TENM3: variants seen among roughly 807,000 people sequenced by gnomAD.
TENM3 encodes the protein teneurin-3.
TENM3 carries 63 observed loss-of-function variants against 255.1 expected under a neutral mutation model. That is an observed-to-expected ratio of 0.25 (90% CI 0.20 to 0.30). The LOEUF (loss-of-function observed/expected upper bound fraction) is 0.30, where lower values mean the gene tolerates loss of function less well. Among genes scored for constraint, TENM3 ranks in the 10% least tolerant of loss-of-function variants. TENM3 has a pLI of 1.00. For synonymous variants in TENM3, 1,306 were observed against 1,322.3 expected (o/e 0.99, Z 0.27); for missense variants, 2,929 against 3,461.1 (o/e 0.85, Z 3.86).
Position 182,799,491 on chromosome 4 carries a change from C to T in TENM3, c.7345-105C>T. ...TTCTGGTCAGGGAAGGACCCCGGGG[C>T]TTCCATGCATGCCCCGGCGCTGCCC... is the stretch of plus-strand genomic sequence containing the variant. On this transcript the variant is annotated intron_variant, in intron 27 of 27. Coordinates refer to ENST00000511685, the MANE Select transcript of TENM3 (RefSeq NM_001080477.4). The surrounding 1 kb of genome is among the most constrained non-coding windows in gnomAD (Gnocchi z 4.2). 1 of 1,421,668 alleles carries T rather than the reference C, an allele frequency of 7.0e-7. No individual in the cohort carries two copies. The highest frequency in any genetic ancestry group is 9.3e-7 in the Non-Finnish European group (1 of 1,074,924). 88.1% of individuals were successfully genotyped at this position (1,421,668 alleles called of 1,614,324 possible).
intron 3 of TENM3, among the ~76,000 whole-genome samples, chr4:182,544,416 T>C (rs781127352): frequency 1.4e-5 from 2 of 143,206 alleles, no homozygotes; most frequent in Non-Finnish European, 3.0e-5. Flanking sequence ...CTGCAACCTC[T>C]GCCTCCCGGG....
intron 3 of TENM3, among the ~76,000 whole-genome samples, chr4:182,599,434 G>A (rs1474928923): frequency 6.6e-6 from 1 of 152,102 alleles, no homozygotes; most frequent in Non-Finnish European, 1.5e-5. Context: ...ATCAGAAACT[G>A]CAAGGAAGTA....
chr4:182,249,911 C>G (rs1482633298), intron 1 of TENM3, among the ~76,000 whole-genome samples: 1 of 152,058 alleles, frequency 6.6e-6, no homozygotes, highest in East Asian at 1.9e-4. Flanking sequence ...TACAAGTATG[C>G]ACCACTATGC....
chr4:181,981,484 CAG>C, the TENM3 span, among the ~76,000 whole-genome samples: 2 of 152,208 alleles, frequency 1.3e-5, no homozygotes, highest in South Asian at 2.1e-4. Context: ...GAAACTAAAA[CAG>C]AGGTATTAAA....
intron 1 of TENM3, among the ~76,000 whole-genome samples, chr4:182,298,838 T>C (rs71636177): frequency 6.6e-6 from 1 of 151,364 alleles, no homozygotes; most frequent in Admixed American, 6.6e-5. Context: ...CCGGGCGTGA[T>C]GGCGCCCACC....
intron 3 of TENM3, among the ~76,000 whole-genome samples, chr4:182,480,255 A>AATT (rs1734065247): frequency 6.6e-6 from 1 of 152,110 alleles, no homozygotes; most frequent in Non-Finnish European, 1.5e-5. Context: ...CAATAATAAT[A>AATT]ATTTAACAAG....
At chr4:182,176,821 ATTTTTT>A (rs529637466) in intron 1 of TENM3, among the ~76,000 whole-genome samples, 4 of 113,356 alleles carry the variant, frequency 3.5e-5, no homozygotes, top group East Asian at 5.5e-4. Context: ...CATCCGGCTA[ATTTTTT>A]TTTTTTTTTT....
chr4:181,576,345 C>T, the TENM3 span, among the ~76,000 whole-genome samples: 1 of 152,132 alleles, frequency 6.6e-6, no homozygotes, highest in African/African-American at 2.4e-5. Context: ...TCCAGTCATC[C>T]ACTGATGAGC....
At chr4:182,317,949 A>T (rs1311154520) in intron 1 of TENM3, among the ~76,000 whole-genome samples, 1 of 152,190 alleles carries the variant, frequency 6.6e-6, no homozygotes. Flanking sequence ...CATTAGTGAA[A>T]ATACAAATTG....
chr4:182,150,253 G>A (rs956435286), intron 1 of TENM3, among the ~76,000 whole-genome samples: 1 of 151,834 alleles, frequency 6.6e-6, no homozygotes, highest in East Asian at 1.9e-4. Flanking sequence ...AAGAGAAAGA[G>A]AGAGAAAGAG....
chr4:182,753,096 A>G (rs1046900917), intron 20 of TENM3, among the ~76,000 whole-genome samples: 3 of 151,876 alleles, frequency 2.0e-5, no homozygotes, highest in Non-Finnish European at 4.4e-5. Flanking sequence ...ACAGGCTCAC[A>G]CTGCCACACC....
intron 15 of TENM3, among the ~76,000 whole-genome samples, 198 bp from the exon 16 acceptor site, chr4:182,730,680 A>T (rs1406411826): frequency 6.6e-6 from 1 of 152,234 alleles, no homozygotes; most frequent in Admixed American, 6.5e-5. Context: ...AAAATTGGTG[A>T]ACTTGGTGAA....
At chr4:182,401,035 G>A (rs1046266590) in intron 3 of TENM3, among the ~76,000 whole-genome samples, 1 of 152,198 alleles carries the variant, frequency 6.6e-6, no homozygotes, top group Non-Finnish European at 1.5e-5. Flanking sequence ...TAGCGATGGA[G>A]AGAAATATTA....
At chr4:182,779,015 T>C (rs796940923) in intron 24 of TENM3, among the ~76,000 whole-genome samples, 4 of 151,430 alleles carry the variant, frequency 2.6e-5, no homozygotes, top group Admixed American at 6.6e-5. Flanking sequence ...ATTTTGTTAC[T>C]GGTTTTACTA....
the TENM3 span, among the ~76,000 whole-genome samples, chr4:181,960,989 C>G: frequency 3.3e-5 from 5 of 152,096 alleles, no homozygotes; most frequent in African/African-American, 1.2e-4. Context: ...GAATAGATGG[C>G]TTTGGATGTC....
At chr4:181,914,816 AC>A in the TENM3 span, among the ~76,000 whole-genome samples, 1 of 152,212 alleles carries the variant, frequency 6.6e-6, no homozygotes, top group South Asian at 2.1e-4. Flanking sequence ...CAAATTGTCA[AC>A]TGAACCAGGA....
chr4:182,692,251 G>T (rs1264589986), intron 12 of TENM3, among the ~76,000 whole-genome samples: 1 of 152,194 alleles, frequency 6.6e-6, no homozygotes, highest in Non-Finnish European at 1.5e-5. Context: ...CAATGCAAAT[G>T]CAGTGGTAGG....
intron 22 of TENM3, among the ~76,000 whole-genome samples, chr4:182,766,416 T>A (rs1763725420): frequency 6.6e-6 from 1 of 152,126 alleles, no homozygotes; most frequent in South Asian, 2.1e-4. Flanking sequence ...ACATGATTCT[T>A]CTCTTAATGA....
chr4:181,826,729 C>G, the TENM3 span, among the ~76,000 whole-genome samples: 10 of 152,292 alleles, frequency 6.6e-5, no homozygotes, highest in East Asian at 1.7e-3. Flanking sequence ...TTGAAAAATA[C>G]AGCTGCCTAG....
Sources: allele counts gnomAD v4.1 joint callset (sites outside exome capture counted in the v4.1 genomes callset), GRCh38; gene constraint gnomAD v4.1.1; non-coding constraint Gnocchi (gnomAD v3.1); transcripts MANE v1.5; gene names NCBI Gene and HGNC (gene_info 2026-07-23, HGNC 2026-07-21).